The following UGGT2 variants were observed in gnomAD, a reference collection of about 807,000 sequenced individuals.
UGGT2 encodes UDP-glucose glycoprotein glucosyltransferase 2.
Under a neutral mutation model 192.1 loss-of-function variants are expected in UGGT2, and 180 were observed. That is an observed-to-expected ratio of 0.94 (90% CI 0.83 to 1.06). UGGT2 has a LOEUF of 1.06. Among genes scored for constraint, UGGT2 ranks in the 50% least tolerant of loss-of-function variants. The pLI, the probability that UGGT2 is intolerant of heterozygous loss-of-function variation, is 0.00. For synonymous variants in UGGT2, 580 were observed against 591.0 expected (o/e 0.98, Z 0.27); for missense variants, 1,849 against 1,795.7 (o/e 1.03, Z -0.54).
chr13:96,022,202 A>G (rs1164221246), intron 4 of UGGT2, among the ~76,000 whole-genome samples: 2 of 152,130 alleles, frequency 1.3e-5, no homozygotes, highest in African/African-American at 4.8e-5. Context: ...GAGGAAAAAA[A>G]TCTGGTTGGA....
chr13:96,008,245 G>A (rs891769552), intron 5 of UGGT2, among the ~76,000 whole-genome samples: 7 of 152,112 alleles, frequency 4.6e-5, no homozygotes, highest in Non-Finnish European at 1.0e-4. Flanking sequence ...ACACAGTGAA[G>A]AGCCAATCCA....
intron 2 of UGGT2, among the ~76,000 whole-genome samples, chr13:96,031,558 C>T (rs1172963381): frequency 6.6e-6 from 1 of 152,168 alleles, no homozygotes; most frequent in African/African-American, 2.4e-5. Context: ...CTCAAGCAGT[C>T]AATCCTCTGG....
intron 36 of UGGT2, among the ~76,000 whole-genome samples, chr13:95,845,171 C>CTT (rs35541302): frequency 0.39 from 58,262 of 150,774 alleles, 11,350 homozygotes; most frequent in Non-Finnish European, 0.42. Flanking sequence ...ATATAAGATC[C>CTT]TTTCTTTTAA....
At chr13:96,011,411 C>G (rs1175316114) in intron 5 of UGGT2, among the ~76,000 whole-genome samples, 1 of 151,914 alleles carries the variant, frequency 6.6e-6, no homozygotes, top group African/African-American at 2.4e-5. Flanking sequence ...CAAAAAGAAA[C>G]TTATGAAAAG....
chr13:95,901,923 T>C (rs886421315), intron 21 of UGGT2, among the ~76,000 whole-genome samples: 2 of 152,108 alleles, frequency 1.3e-5, no homozygotes, highest in Non-Finnish European at 2.9e-5. Context: ...TCACTGTCTA[T>C]CATCCTTCCC....
intron 1 of UGGT2, among the ~76,000 whole-genome samples, chr13:96,052,388 G>A (rs1010120183): frequency 1.3e-5 from 2 of 151,746 alleles, no homozygotes; most frequent in Non-Finnish European, 2.9e-5. Flanking sequence ...TGGGGTGATG[G>A]GTGTACCAAA....
At chr13:95,809,438 C>CCT (rs1206993402) in intron 38 of UGGT2, 1 of 379,926 alleles carries the variant, frequency 2.6e-6, no homozygotes, top group Non-Finnish European at 5.2e-6. Context: ...TCCCTTTGCT[C>CCT]CTCCTTTCCC....
At chr13:96,026,474 ATCTTT>A (rs2052667952) in intron 2 of UGGT2, among the ~76,000 whole-genome samples, 1 of 152,034 alleles carries the variant, frequency 6.6e-6, no homozygotes, top group African/African-American at 2.4e-5. Flanking sequence ...GAAGGAAAGG[ATCTTT>A]TCTATCATAG....
Position 96,053,169 on chromosome 13 carries a change from C to A in UGGT2, c.144G>T (p.Leu48=). Reference sequence around the variant, plus strand: ...CCCGCACCCACCTTGCCTCCAGCAGCAGCGGGGTCTCGGGCCACTTCGCGG... The same window carrying A: ...CCCGCACCCACCTTGCCTCCAGCAGAAGCGGGGTCTCGGGCCACTTCGCGG... ...HLAAKWPETP[L]LLEASEFMAE... is the part of the protein sequence containing the mutation. The change falls in exon 1 of 39, where the codon CTG becomes CTT. Residue 48 remains leucine (L), a synonymous_variant. Transcript: ENST00000376747. 6.6e-7 allele frequency: 1 copy of A among 1,514,640 alleles called. No individual in the cohort carries two copies. Among genetic ancestry groups the A allele is most frequent in the Admixed American group, 2.0e-5 (1 of 49,660 alleles). The allele number at this position is 1,514,640 out of a possible 1,614,324, so 93.8% of individuals were successfully genotyped here.
intron 34 of UGGT2, 83 bp from the exon 35 acceptor site, chr13:95,854,558 T>G: frequency 8.1e-7 from 1 of 1,230,790 alleles, no homozygotes; most frequent in Non-Finnish European, 1.1e-6. Flanking sequence ...TCATTATTAC[T>G]CTACTACAGA....
At chr13:96,036,347 G>A (rs1205508982) in intron 1 of UGGT2, among the ~76,000 whole-genome samples, 1 of 152,128 alleles carries the variant, frequency 6.6e-6, no homozygotes, top group African/African-American at 2.4e-5. Flanking sequence ...AGTGGGAGCT[G>A]AATGATGAGA....
rs542625519 is a variant in UGGT2 at position 95,927,273 on chromosome 13, G to A, written c.2041C>T (p.Arg681Cys). 35 of 1,612,022 alleles carry A rather than the reference G, an allele frequency of 2.2e-5. No homozygotes were observed. Among genetic ancestry groups the A allele is most frequent in the Non-Finnish European group, 2.7e-5 (32 of 1,179,162 alleles). ...GTACGCAAAATCAAAGTATTTATAC[G>A]GGGTACAACATTATTCCTATCCATT... ...FLMDRNNVVP[R>C]INTLILRTNQ... Residue 681 changes from arginine to cysteine, a missense_variant, in exon 18 of 39, where the codon CGT becomes TGT. Arg to Cys is a radical substitution (Grantham distance 180, BLOSUM62 -3). Transcript: ENST00000376747.
chr13:95,996,046 T>A lies in UGGT2; in HGVS notation c.830+17A>T, dbSNP rs772760920. On this transcript the variant is annotated intron_variant, in intron 7 of 38. Transcript: ENST00000376747. ...AATGGGTATAATAATACCAATTTCA[T>A]TTCCATTCAGACTTACTTTAGTTTC... 1 of 1,608,890 alleles carries A rather than the reference T, an allele frequency of 6.2e-7. No homozygotes were observed. Among genetic ancestry groups the A allele is most frequent in the Non-Finnish European group, 8.5e-7 (1 of 1,175,844 alleles).
chr13:95,905,294 A>C (rs1263290653), intron 20 of UGGT2, among the ~76,000 whole-genome samples: 1 of 145,900 alleles, frequency 6.9e-6, no homozygotes, highest in African/African-American at 2.5e-5. Flanking sequence ...GAAGCTCTTT[A>C]GTTTAATTAG....
chr13:95,989,943 G>T (rs747011991), intron 8 of UGGT2, 30 bp downstream of exon 8: 1 of 1,445,578 alleles, frequency 6.9e-7, no homozygotes, highest in Non-Finnish European at 9.5e-7. Context: ...TTACCAAAAT[G>T]CTGTGTTAAA....
chr13:96,033,137 C>G (rs1223953759), intron 1 of UGGT2, among the ~76,000 whole-genome samples: 1 of 152,170 alleles, frequency 6.6e-6, no homozygotes, highest in Admixed American at 6.5e-5. Context: ...TCAAGGAGAT[C>G]AGAGAGGACA....
At chr13:95,897,925 C>A (rs1214017434) in intron 22 of UGGT2, among the ~76,000 whole-genome samples, 1 of 152,004 alleles carries the variant, frequency 6.6e-6, no homozygotes, top group Non-Finnish European at 1.5e-5. Flanking sequence ...AAACTGAATT[C>A]TCTTTCCTTC....
At chr13:95,868,340 G>A (rs1890869804) in intron 29 of UGGT2, among the ~76,000 whole-genome samples, 2 of 152,126 alleles carry the variant, frequency 1.3e-5, no homozygotes, top group South Asian at 4.1e-4. Flanking sequence ...TTACACCTGT[G>A]ACCCCAGCAC....
At chr13:95,950,583 G>A (rs1476348930) in intron 12 of UGGT2, among the ~76,000 whole-genome samples, 1 of 82,502 alleles carries the variant, frequency 1.2e-5, no homozygotes, top group South Asian at 5.1e-4. Flanking sequence ...ACCAAATATT[G>A]AAATGAAACA....
Sources: allele counts gnomAD v4.1 joint callset (sites outside exome capture counted in the v4.1 genomes callset), GRCh38; gene constraint gnomAD v4.1.1; transcripts MANE v1.5; gene names NCBI Gene and HGNC (gene_info 2026-07-23, HGNC 2026-07-21).